The following TBC1D15 variants were observed in gnomAD, a reference collection of about 807,000 sequenced individuals.
TBC1D15 encodes TBC1 domain family member 15.
A neutral mutation model predicts 95.4 loss-of-function variants in TBC1D15; 39 were observed. That is an observed-to-expected ratio of 0.41 (90% CI 0.32 to 0.53). TBC1D15 has a LOEUF of 0.53. TBC1D15 is among the 20% of genes least tolerant of loss of function. The pLI, the probability that TBC1D15 is intolerant of heterozygous loss-of-function variation, is 0.29. For synonymous variants in TBC1D15, 258 were observed against 261.3 expected (o/e 0.99, Z 0.12); for missense variants, 733 against 794.3 (o/e 0.92, Z 0.93).
At chr12:71,842,228 A>G (rs930833265) in intron 1 of TBC1D15, among the ~76,000 whole-genome samples, 5 of 152,216 alleles carry the variant, frequency 3.3e-5, no homozygotes, top group African/African-American at 1.2e-4. Context: ...TCTGTCTTGT[A>G]GGGAAGCAGC....
At chr12:71,872,220 A>G (rs1050960097) in intron 2 of TBC1D15, 52 bp downstream of exon 2, 2 of 1,055,432 alleles carry the variant, frequency 1.9e-6, no homozygotes, top group Non-Finnish European at 2.7e-6. Flanking sequence ...GTAGTGATTC[A>G]TCTTTGGAGA....
intron 14 of TBC1D15, among the ~76,000 whole-genome samples, chr12:71,919,201 C>CT (rs34109729): frequency 0.011 from 1,399 of 131,422 alleles, 21 homozygotes; most frequent in African/African-American, 0.035. Context: ...AATCAGTGTG[C>CT]TTTTTTTTTT....
chr12:71,884,703 C>T, intron 4 of TBC1D15, 108 bp from the exon 5 acceptor site: 3 of 909,864 alleles, frequency 3.3e-6, no homozygotes, highest in Non-Finnish European at 5.2e-6. Flanking sequence ...AAGTGCTATA[C>T]TGATTCCCTG....
chr12:71,861,900 T>C (rs1890457185), intron 1 of TBC1D15, among the ~76,000 whole-genome samples: 2 of 140,870 alleles, frequency 1.4e-5, no homozygotes. Context: ...TTTTGTTTGT[T>C]TCAAGAAATT....
In TBC1D15 at chr12:71,894,758, T is replaced by C. The variant is rs1406913199; in HGVS notation, c.730T>C (p.Leu244=). The C allele has an allele frequency of 6.2e-7, 1 of 1,613,298 alleles. No homozygotes were observed. Among genetic ancestry groups the C allele is most frequent in the Non-Finnish European group, 8.5e-7 (1 of 1,179,426 alleles). The change falls in exon 7 of 17, where the codon TTG becomes CTG. Residue 244 remains leucine (L), a synonymous_variant. Transcript: ENST00000485960. ...SKVTNYIFDS[L]RGSDPSTHQR... Reference sequence around the variant, plus strand: ...AGTCACAAACTACATTTTTGACAGTTTGAGAGGCAGCGATCCCTCTACACA... The same window carrying C: ...AGTCACAAACTACATTTTTGACAGTCTGAGAGGCAGCGATCCCTCTACACA...
chr12:71,858,094 C>T lies in TBC1D15; in HGVS notation c.31-13976C>T, dbSNP rs575976860. Among the ~76,000 whole-genome samples, 98 of 151,202 alleles carry T rather than the reference C, an allele frequency of 6.5e-4. 2 individuals are homozygous for T. The South Asian group carries it at 0.017, about 27-fold the overall frequency. On this transcript the variant is annotated intron_variant, in intron 1 of 16. Coordinates refer to ENST00000485960, the MANE Select transcript of TBC1D15 (RefSeq NM_001146213.3). The stretch of plus-strand genomic sequence containing the variant: ...TTCTTTCTTTCTTTTTTTTTTGAGA[C>T]GGAGTTTCGCTCTTCTTGCCCAGGC...
chr12:71,854,503 T>A, intron 1 of TBC1D15: 1 of 453,718 alleles, frequency 2.2e-6, no homozygotes, highest in South Asian at 1.6e-5. Context: ...CCCAAGATTT[T>A]ACCATTTCCT....
chr12:71,842,334 C>T (rs1450339327), intron 1 of TBC1D15, among the ~76,000 whole-genome samples: 1 of 152,130 alleles, frequency 6.6e-6, no homozygotes, highest in African/African-American at 2.4e-5. Flanking sequence ...ATTACTTAAC[C>T]TCTCTGTGCT....
At chr12:71,853,249 G>T (rs902831179) in intron 1 of TBC1D15, among the ~76,000 whole-genome samples, 1 of 152,180 alleles carries the variant, frequency 6.6e-6, no homozygotes, top group African/African-American at 2.4e-5. Context: ...AACAAAATCA[G>T]ATCTCAGGAG....
chr12:71,887,932 C>A (rs1046341232), intron 5 of TBC1D15, among the ~76,000 whole-genome samples: 2 of 152,116 alleles, frequency 1.3e-5, no homozygotes, highest in African/African-American at 4.8e-5. Context: ...ATCAATTTGA[C>A]AAATAATTTT....
At chr12:71,890,040 C>A (rs1378314685) in intron 5 of TBC1D15, among the ~76,000 whole-genome samples, 1 of 152,004 alleles carries the variant, frequency 6.6e-6, no homozygotes, top group Non-Finnish European at 1.5e-5. Flanking sequence ...TCCAGCCTAC[C>A]ACTGATGGGC....
intron 11 of TBC1D15, among the ~76,000 whole-genome samples, chr12:71,912,475 A>G (rs1187006207): frequency 1.3e-5 from 2 of 152,126 alleles, no homozygotes; most frequent in Non-Finnish European, 2.9e-5. Context: ...GGCTCACAGC[A>G]AATTGAGCTG....
Position 71,868,187 on chromosome 12 carries a change from A to C in TBC1D15, c.31-3883A>C, listed in dbSNP as rs191707030. Among the ~76,000 whole-genome samples the C allele has an allele frequency of 6.6e-5, 10 of 152,170 alleles. No individual in the cohort carries two copies. In the East Asian group the frequency reaches 1.9e-3, roughly 29 times the overall value. On this transcript the variant is annotated intron_variant, in intron 1 of 16. Coordinates refer to ENST00000485960, the MANE Select transcript of TBC1D15 (RefSeq NM_001146213.3). Reference sequence around the variant, plus strand: ...TTTTGGGATGTATAATTTGTTCCTCAAAAAGGGCTGAAGAGTTGAGGAACA... The same window carrying C: ...TTTTGGGATGTATAATTTGTTCCTCCAAAAGGGCTGAAGAGTTGAGGAACA...
intron 9 of TBC1D15, among the ~76,000 whole-genome samples, chr12:71,897,565 A>G (rs1898446827): frequency 6.6e-6 from 1 of 152,072 alleles, no homozygotes; most frequent in Non-Finnish European, 1.5e-5. Context: ...TTTAGACATG[A>G]TTTTAAGGAT....
intron 1 of TBC1D15, among the ~76,000 whole-genome samples, chr12:71,842,351 T>C (rs1340391886): frequency 6.6e-6 from 1 of 152,214 alleles, no homozygotes; most frequent in African/African-American, 2.4e-5. Context: ...TGCTTCAGTA[T>C]CCTCATCTGT....
chr12:71,918,204 T>C (rs1325442059), intron 13 of TBC1D15, among the ~76,000 whole-genome samples: 1 of 152,200 alleles, frequency 6.6e-6, no homozygotes, highest in Non-Finnish European at 1.5e-5. Flanking sequence ...TTTCTTCGGT[T>C]CCATAAAAAT....
At chr12:71,917,857 T>C (rs1904069272) in intron 13 of TBC1D15, 60 bp downstream of exon 13, 1 of 1,143,868 alleles carries the variant, frequency 8.7e-7, no homozygotes, top group South Asian at 1.3e-5. Flanking sequence ...TAGAAAAAAA[T>C]GTAAAGAACT....
Position 71,923,369 on chromosome 12 carries a change from A to G in TBC1D15, c.*165A>G, listed in dbSNP as rs1870164084. 3.4e-6 allele frequency: 2 copies of G among 592,814 alleles called. No individual in the cohort carries two copies. Among genetic ancestry groups the G allele is most frequent in the Non-Finnish European group, 5.7e-6 (2 of 353,114 alleles). 36.7% of individuals were successfully genotyped at this position (592,814 alleles called of 1,614,324 possible). Reference sequence around the variant, plus strand: ...AGCTTTACAAAGATTTAAACTAATTATTTTTGTAGTTACTTCTACCAAATA... The same window carrying G: ...AGCTTTACAAAGATTTAAACTAATTGTTTTTGTAGTTACTTCTACCAAATA... On this transcript the variant is annotated 3_prime_UTR_variant, in exon 17 of 17. Coordinates refer to ENST00000485960, the MANE Select transcript of TBC1D15 (RefSeq NM_001146213.3).
chr12:71,921,900 A>G (rs562672419), intron 16 of TBC1D15, among the ~76,000 whole-genome samples: 1 of 152,336 alleles, frequency 6.6e-6, no homozygotes, highest in Non-Finnish European at 1.5e-5. Context: ...AATTTGATGT[A>G]TTATCTGAAT....
Sources: allele counts gnomAD v4.1 joint callset (sites outside exome capture counted in the v4.1 genomes callset), GRCh38; gene constraint gnomAD v4.1.1; transcripts MANE v1.5; gene names NCBI Gene and HGNC (gene_info 2026-07-23, HGNC 2026-07-21).